MAP7D2: variants seen among roughly 807,000 people sequenced by gnomAD.
MAP7D2 encodes MAP7 domain containing 2.
Under a neutral mutation model 63.5 loss-of-function variants are expected in MAP7D2, and 33 were observed. The ratio of observed to expected loss-of-function variants is 0.52; its 90% confidence interval spans 0.39 to 0.70. MAP7D2 has a LOEUF of 0.70. MAP7D2 is among the 30% of genes least tolerant of loss of function. The pLI, the probability that MAP7D2 is intolerant of heterozygous loss-of-function variation, is 0.00. For missense variants in MAP7D2, 626 were observed against 604.0 expected (o/e 1.04, Z -0.38); for synonymous variants, 224 against 223.7 (o/e 1.00, Z -0.01).
chrX:20,099,651 G>T (rs2066375528), intron 1 of MAP7D2, among the ~76,000 whole-genome samples: 1 of 111,894 alleles, frequency 8.9e-6, no homozygotes, highest in African/African-American at 3.2e-5. Context: ...GACATTCCCT[G>T]AGATCAAGAA....
At chrX:20,094,512 A>ACG (rs1569140614) in intron 1 of MAP7D2, among the ~76,000 whole-genome samples, 254 of 7,653 alleles carry the variant, frequency 0.033, 20 homozygotes, top group Admixed American at 0.11. Flanking sequence ...ATATATATAT[A>ACG]TATGTATATA....
At chrX:20,058,229 G>C (rs2065114950) in intron 3 of MAP7D2, among the ~76,000 whole-genome samples, 1 of 112,573 alleles carries the variant, frequency 8.9e-6, no homozygotes, top group Non-Finnish European at 1.9e-5. Flanking sequence ...TAAAAGCTGG[G>C]GCTTGGAAGG....
chrX:20,080,395 G>A (rs746060638), intron 1 of MAP7D2, among the ~76,000 whole-genome samples: 22 of 110,115 alleles, frequency 2.0e-4, no homozygotes, highest in Non-Finnish European at 3.8e-4. Context: ...CCCTATACAA[G>A]GTGATCCCAA....
rs771374558 is a variant in MAP7D2, at chrX:20,044,430, T to C, written c.813A>G (p.Thr271=). The change falls in exon 7 of 17, where the codon ACA becomes ACG. Residue 271 remains threonine, a synonymous_variant. Transcript: ENST00000379643. ...PTRNIEKKKA[T]STSTSGAGDV... is the part of the protein sequence containing the mutation. ...CTCCTGCACCAGATGTAGACGTAGA[T>C]GTAGCTTTCTTCTTCTCAATGTTTC... 19 of 1,209,433 alleles carry C rather than the reference T, an allele frequency of 1.6e-5. No individual in the cohort carries two copies. The highest frequency in any genetic ancestry group is 2.1e-5 in the Non-Finnish European group (19 of 894,787).
intron 3 of MAP7D2, among the ~76,000 whole-genome samples, chrX:20,058,030 C>T (rs2065108444): frequency 8.9e-6 from 1 of 112,716 alleles, no homozygotes; most frequent in Admixed American, 9.4e-5. Flanking sequence ...GAGACTGCCT[C>T]TCCAGGGACC....
At chrX:20,047,871 G>A (rs2064841391) in intron 6 of MAP7D2, among the ~76,000 whole-genome samples, 1 of 82,501 alleles carries the variant, frequency 1.2e-5, no homozygotes, top group African/African-American at 8.5e-5. Flanking sequence ...AGAAAAGAAA[G>A]AGAGAAAAAA....
At chrX:20,115,495 G>C (rs1180362804) in intron 1 of MAP7D2, among the ~76,000 whole-genome samples, 1 of 111,848 alleles carries the variant, frequency 8.9e-6, no homozygotes, top group Non-Finnish European at 1.9e-5. Context: ...AGCAGATGCA[G>C]CTTGAGTGTT....
At chrX:20,055,596 C>T (rs1479022811) in intron 4 of MAP7D2, 2 of 307,873 alleles carry the variant, frequency 6.5e-6, no homozygotes, top group East Asian at 2.4e-4. Context: ...ATGTCATTCA[C>T]ATTGCTAGGA....
chrX:20,111,136 C>A (rs2066731049), intron 1 of MAP7D2, among the ~76,000 whole-genome samples: 1 of 111,669 alleles, frequency 9.0e-6, no homozygotes. Flanking sequence ...TCGAGCCCAA[C>A]TGAGCTCCCA....
chrX:20,090,225 T>TG (rs913469375), intron 1 of MAP7D2, among the ~76,000 whole-genome samples: 2 of 110,176 alleles, frequency 1.8e-5, no homozygotes, highest in Non-Finnish European at 3.8e-5. Context: ...CCGGGCATGG[T>TG]GGCTCACGCA....
intron 5 of MAP7D2, 93 bp from the exon 6 acceptor site, chrX:20,051,039 A>G (rs2064936217): frequency 5.5e-6 from 4 of 731,081 alleles, no homozygotes; most frequent in Non-Finnish European, 7.4e-6. Context: ...GTGCAAATTA[A>G]CTTTTGGGTG....
intron 3 of MAP7D2, among the ~76,000 whole-genome samples, chrX:20,063,131 C>T (rs1051368319): frequency 2.7e-5 from 3 of 111,893 alleles, no homozygotes; most frequent in Non-Finnish European, 5.6e-5. Context: ...CCAAATCCAA[C>T]CCTCACTTCA....
chrX:20,080,645 C>A (rs2065755327), intron 1 of MAP7D2, among the ~76,000 whole-genome samples: 1 of 111,144 alleles, frequency 9.0e-6, no homozygotes, highest in African/African-American at 3.3e-5. Flanking sequence ...ACCCCCACAT[C>A]CCCCAGCAAG....
intron 1 of MAP7D2, among the ~76,000 whole-genome samples, chrX:20,084,165 C>T (rs1048981556): frequency 9.7e-5 from 10 of 102,719 alleles, no homozygotes; most frequent in Admixed American, 6.4e-4. Flanking sequence ...CGCATCGCTG[C>T]ACCCCCGCCT....
chrX:20,061,755 G>A (rs904355067), intron 3 of MAP7D2, among the ~76,000 whole-genome samples: 3 of 112,836 alleles, frequency 2.7e-5, no homozygotes, highest in African/African-American at 9.7e-5. Flanking sequence ...GTTCTGTAGA[G>A]AAAAATTATA....
chrX:20,045,611 TCTC>T, intron 6 of MAP7D2, among the ~76,000 whole-genome samples: 1 of 107,881 alleles, frequency 9.3e-6, no homozygotes, highest in South Asian at 4.2e-4. Context: ...TCTTCCAAGT[TCTC>T]CTAGCCAATC....
chrX:20,014,892 T>G (rs2073331460), intron 12 of MAP7D2, among the ~76,000 whole-genome samples: 1 of 110,397 alleles, frequency 9.1e-6, no homozygotes, highest in African/African-American at 3.3e-5. Flanking sequence ...ATTTTTTGTA[T>G]TTTTAGTAGA....
intron 8 of MAP7D2, among the ~76,000 whole-genome samples, chrX:20,032,733 G>T (rs1253983025): frequency 8.9e-6 from 1 of 112,009 alleles, no homozygotes; most frequent in Non-Finnish European, 1.9e-5. Context: ...CATCCCACAA[G>T]ATCTTATCTT....
Position 20,113,270 on chromosome X carries a change from G to A in MAP7D2, c.130+3480C>T, listed in dbSNP as rs767002568. Among the ~76,000 whole-genome samples, 25 of 110,395 alleles carry A rather than the reference G, an allele frequency of 2.3e-4. No individual in the cohort carries two copies. In the East Asian group the frequency reaches 6.0e-3, roughly 26 times the overall value. On this transcript the variant is annotated intron_variant, in intron 1 of 16. Transcript: ENST00000379643. ...TCTGAACACTTTTTTTTTTAAGATC[G>A]GAGTCTCACTCTGTCGCCCGGGGTG...
Sources: gnomAD v4.1 joint callset for allele counts (sites outside exome capture counted in the v4.1 genomes callset) on GRCh38, gnomAD v4.1.1 for gene constraint, MANE v1.5 for transcripts, NCBI Gene and HGNC (gene_info 2026-07-23, HGNC 2026-07-21) for gene names.